Variants in THSD4 observed in about 807,000 individuals in gnomAD.
THSD4 encodes the protein thrombospondin type-1 domain-containing protein 4.
In THSD4, 69 loss-of-function variants were observed where a neutral mutation model predicts 119.0. That is an observed-to-expected ratio of 0.58 (90% CI 0.48 to 0.71). The LOEUF (loss-of-function observed/expected upper bound fraction) is 0.71. Ranked by LOEUF, THSD4 falls within the 30% of genes least tolerant of loss-of-function variation. The pLI is 0.00. For missense variants in THSD4, 1,393 were observed against 1,391.1 expected (o/e 1.00, Z -0.02); for synonymous variants, 524 against 540.4 (o/e 0.97, Z 0.42).
At chr15:71,466,255 G>A (rs1327137712) in intron 7 of THSD4, among the ~76,000 whole-genome samples, 1 of 151,434 alleles carries the variant, frequency 6.6e-6, no homozygotes, top group African/African-American at 2.4e-5. Context: ...TGAGGCAGGA[G>A]AATGGTGTGA....
At chr15:71,297,518 TA>T (rs1264029905) in intron 6 of THSD4, among the ~76,000 whole-genome samples, 1 of 152,076 alleles carries the variant, frequency 6.6e-6, no homozygotes, top group Non-Finnish European at 1.5e-5. Context: ...GTATTCTTAG[TA>T]GAGACAGGGT....
At chr15:71,446,402 C>G (rs2047181641) in intron 7 of THSD4, among the ~76,000 whole-genome samples, 1 of 152,198 alleles carries the variant, frequency 6.6e-6, no homozygotes, top group Non-Finnish European at 1.5e-5. Flanking sequence ...CCAGTAATTC[C>G]TCCACGGTCT....
chr15:71,759,210 G>A (rs1300284429), intron 15 of THSD4, among the ~76,000 whole-genome samples: 1 of 152,194 alleles, frequency 6.6e-6, no homozygotes, highest in Non-Finnish European at 1.5e-5. Context: ...AAAGCATAGG[G>A]AAATGTTTTT....
intron 11 of THSD4, among the ~76,000 whole-genome samples, chr15:71,742,873 G>A (rs866452725): frequency 1.3e-5 from 2 of 151,956 alleles, no homozygotes; most frequent in African/African-American, 2.4e-5. Context: ...TGGACAACAC[G>A]GCAAAACCCC....
intron 8 of THSD4, among the ~76,000 whole-genome samples, chr15:71,691,773 C>T (rs1430330579): frequency 6.6e-6 from 1 of 152,158 alleles, no homozygotes; most frequent in Admixed American, 6.5e-5. Context: ...CCTTGTCTAG[C>T]ACAGGACTGC....
In THSD4 at chr15:71,435,577, C is replaced by T. The variant is rs182300258; in HGVS notation, c.1152+23754C>T. Among the ~76,000 whole-genome samples the T allele has an allele frequency of 6.6e-5, 10 of 152,244 alleles. 1 individual carries two copies. The highest frequency in any genetic ancestry group is 6.5e-4 in the Admixed American group (10 of 15,294). On this transcript the variant is annotated intron_variant, in intron 7 of 17. Transcript: ENST00000261862. ...GAGGTAACTTTCCGGGTTTAGAATA[C>T]GACAGGCAAAATTGGCATCTTTTTT...
At chr15:71,765,947 G>A (rs1237960575) in intron 16 of THSD4, among the ~76,000 whole-genome samples, 1 of 152,088 alleles carries the variant, frequency 6.6e-6, no homozygotes, top group Admixed American at 6.5e-5. Context: ...ACCAGATCCT[G>A]CAAAGTGGAT....
intron 5 of THSD4, among the ~76,000 whole-genome samples, chr15:71,245,467 A>G (rs2044191682): frequency 6.6e-6 from 1 of 152,186 alleles, no homozygotes; most frequent in South Asian, 2.1e-4. Flanking sequence ...AAGACTTAGC[A>G]TATAGTCACA....
intron 7 of THSD4, among the ~76,000 whole-genome samples, chr15:71,557,890 A>C (rs2049044673): frequency 6.6e-6 from 1 of 152,134 alleles, no homozygotes; most frequent in African/African-American, 2.4e-5. Context: ...AGAATACTGT[A>C]AATTTTACTA....
At chr15:71,605,653 AG>A (rs775770103) in intron 7 of THSD4, among the ~76,000 whole-genome samples, 2 of 152,206 alleles carry the variant, frequency 1.3e-5, no homozygotes, top group East Asian at 1.9e-4. Context: ...CGGCTTTGGG[AG>A]GAAAGATCGA....
chr15:71,358,351 A>C (rs1020445469), intron 6 of THSD4, among the ~76,000 whole-genome samples: 2 of 152,164 alleles, frequency 1.3e-5, no homozygotes, highest in African/African-American at 4.8e-5. Flanking sequence ...CTATTTAGTG[A>C]CTGTTAGTAA....
chr15:71,535,565 C>T (rs1026346134), intron 7 of THSD4, among the ~76,000 whole-genome samples: 1 of 152,142 alleles, frequency 6.6e-6, no homozygotes, highest in African/African-American at 2.4e-5. Flanking sequence ...AAGGCAGCCG[C>T]ACCATTTTAC....
At chr15:71,154,972 G>C in intron 3 of THSD4, 40 bp downstream of exon 3, 2 of 1,600,654 alleles carry the variant, frequency 1.2e-6, no homozygotes, top group Non-Finnish European at 1.7e-6. Context: ...CTCTGCCCAA[G>C]GGGCTAGGGC....
chr15:71,781,882 G>A lies in THSD4; in HGVS notation c.*4508G>A, dbSNP rs1037212916. 5 of 152,352 alleles carry A rather than the reference G, an allele frequency of 3.3e-5. No individual in the cohort carries two copies. The highest frequency in any genetic ancestry group is 6.5e-5 in the Admixed American group (1 of 15,282). 9.4% of individuals were successfully genotyped at this position (152,352 alleles called of 1,614,324 possible). A position where few individuals can be genotyped will look rare whatever the true frequency, so the allele number is the denominator to read the frequency against. The stretch of plus-strand genomic sequence containing the variant: ...TGAGTAGAAGAGCTTTAGGTGATTT[G>A]TTTGGTGGGGGAAGGCAAGTACACA... On this transcript the variant is annotated 3_prime_UTR_variant, in exon 18 of 18. Transcript: ENST00000261862.
At chr15:71,649,040 T>A (rs1480614020) in intron 7 of THSD4, among the ~76,000 whole-genome samples, 3 of 152,178 alleles carry the variant, frequency 2.0e-5, no homozygotes, top group African/African-American at 7.2e-5. Context: ...GAAAAGACGT[T>A]TTGAACATAT....
At chr15:71,339,830 T>A (rs900034814) in intron 6 of THSD4, among the ~76,000 whole-genome samples, 1 of 152,076 alleles carries the variant, frequency 6.6e-6, no homozygotes, top group African/African-American at 2.4e-5. Flanking sequence ...AGTGGCGCGA[T>A]CTCCGCTCAC....
chr15:71,499,584 G>A (rs559815649), intron 7 of THSD4, among the ~76,000 whole-genome samples: 1 of 150,998 alleles, frequency 6.6e-6, no homozygotes, highest in East Asian at 1.9e-4. Context: ...TATGCACATT[G>A]CAATGTAAAA....
At chr15:71,715,757 T>A (rs2052594973) in intron 8 of THSD4, among the ~76,000 whole-genome samples, 1 of 142,258 alleles carries the variant, frequency 7.0e-6, no homozygotes. Flanking sequence ...GGGCTCAAAA[T>A]TTGGAATTAG....
rs1368749471 is a variant in THSD4 at position 71,165,085 on chromosome 15, T to G, written c.99+10153T>G. The G allele has an allele frequency of 1.1e-5, 17 of 1,610,620 alleles. No homozygotes were observed. In the South Asian group the frequency reaches 1.8e-4, roughly 17 times the overall value. On this transcript the variant is annotated intron_variant, in intron 3 of 17. Coordinates refer to ENST00000261862, the MANE Select transcript of THSD4 (RefSeq NM_024817.3). ...GGCCAGGATGTTCTCCTTTGATTTT[T>G]GGGCGATACTCAGAGCAGAAGAGGA... is the stretch of plus-strand genomic sequence containing the variant.
Sources: allele counts gnomAD v4.1 joint callset (sites outside exome capture counted in the v4.1 genomes callset), GRCh38; gene constraint gnomAD v4.1.1; transcripts MANE v1.5; gene names NCBI Gene and HGNC (gene_info 2026-07-23, HGNC 2026-07-21).